Variants in ELAVL2 observed in about 807,000 individuals in gnomAD.
ELAVL2 encodes ELAV like RNA binding protein 2, also known as ELAV-like protein 2.
A neutral mutation model predicts 34.6 loss-of-function variants in ELAVL2; 4 were observed. The observed-to-expected ratio is 0.12, with a 90% CI of 0.06 to 0.26. The LOEUF (loss-of-function observed/expected upper bound fraction) is 0.26, where lower values mean the gene tolerates loss of function less well. ELAVL2 is among the 10% of genes least tolerant of loss of function. The pLI, the probability that ELAVL2 is intolerant of heterozygous loss-of-function variation, is 1.00. For synonymous variants in ELAVL2, 193 were observed against 154.8 expected, an observed-to-expected ratio of 1.25 and a Z score of -1.83; for missense variants, 432 against 442.8, an observed-to-expected ratio of 0.98 and a Z score of 0.22.
chr9:23,753,774 AC>A (rs988641737), intron 2 of ELAVL2, among the ~76,000 whole-genome samples: 3 of 151,812 alleles, frequency 2.0e-5, no homozygotes, highest in Non-Finnish European at 4.4e-5. Flanking sequence ...AACAAAGACT[AC>A]CCCCCAGAAA....
intron 3 of ELAVL2, among the ~76,000 whole-genome samples, chr9:23,730,430 T>C (rs73470819): frequency 0.061 from 9,275 of 152,178 alleles, 925 homozygotes; most frequent in African/African-American, 0.21. Flanking sequence ...AAGCACCACA[T>C]CTAGCCTGCC....
the ELAVL2 span, among the ~76,000 whole-genome samples, chr9:23,846,097 A>C: frequency 1.6e-4 from 24 of 151,910 alleles, no homozygotes; most frequent in African/African-American, 5.3e-4. Context: ...AAGATTTTAT[A>C]AACAAAAAAG....
At chr9:23,707,265 G>T (rs1308053552) in intron 3 of ELAVL2, among the ~76,000 whole-genome samples, 1 of 152,186 alleles carries the variant, frequency 6.6e-6, no homozygotes, top group Non-Finnish European at 1.5e-5. Context: ...AATTATATAT[G>T]CATTCAGTAA....
chr9:23,763,654 C>G (rs1301045211), intron 1 of ELAVL2, among the ~76,000 whole-genome samples: 1 of 152,058 alleles, frequency 6.6e-6, no homozygotes, highest in Non-Finnish European at 1.5e-5. Flanking sequence ...TAAAAGGGCA[C>G]ATTAGCAGAT....
chr9:23,794,029 C>G (rs935961340), intron 1 of ELAVL2, among the ~76,000 whole-genome samples: 2 of 152,136 alleles, frequency 1.3e-5, no homozygotes, highest in Non-Finnish European at 2.9e-5. Flanking sequence ...TATAGAAACC[C>G]AACCAGAATG....
intron 4 of ELAVL2, 68 bp from the exon 5 acceptor site, chr9:23,701,672 G>C (rs919354656): frequency 6.6e-7 from 1 of 1,507,124 alleles, no homozygotes; most frequent in Non-Finnish European, 9.1e-7. Flanking sequence ...GAGAAGAAAG[G>C]ACACATTAAT....
chr9:23,784,010 C>T (rs937366156), intron 1 of ELAVL2, among the ~76,000 whole-genome samples: 6 of 151,806 alleles, frequency 4.0e-5, no homozygotes, highest in South Asian at 4.2e-4. Flanking sequence ...CTGGCTAACA[C>T]GGTGAAACCC....
intron 2 of ELAVL2, among the ~76,000 whole-genome samples, chr9:23,744,204 CCACCTTAAGTTTCACA>C (rs1254131770): frequency 1.3e-5 from 2 of 152,134 alleles, no homozygotes; most frequent in East Asian, 3.9e-4. Flanking sequence ...TCTACCGTCT[CCACCTTAAGTTTCACA>C]AATAGATTCT....
At chr9:23,787,865 T>C (rs996887046) in intron 1 of ELAVL2, among the ~76,000 whole-genome samples, 1 of 152,144 alleles carries the variant, frequency 6.6e-6, no homozygotes, top group Non-Finnish European at 1.5e-5. Context: ...AAGAGTCAAA[T>C]AATCAGAGAC....
intron 2 of ELAVL2, among the ~76,000 whole-genome samples, chr9:23,742,726 T>A (rs2049551024): frequency 6.6e-6 from 1 of 152,158 alleles, no homozygotes; most frequent in Admixed American, 6.6e-5. Context: ...CCAAAGGACA[T>A]CCATCGTCCC....
intron 1 of ELAVL2, among the ~76,000 whole-genome samples, chr9:23,777,189 A>T (rs546297873): frequency 1.2e-4 from 19 of 152,012 alleles, no homozygotes; most frequent in African/African-American, 4.6e-4. Context: ...TTAGGACTGC[A>T]ATCTCTTTCA....
intron 3 of ELAVL2, among the ~76,000 whole-genome samples, chr9:23,729,298 G>C (rs545486348): frequency 6.6e-6 from 1 of 152,144 alleles, no homozygotes; most frequent in African/African-American, 2.4e-5. Context: ...CTACAACTCA[G>C]GACCTCAGAA....
At chr9:23,768,876 G>A (rs1400439267) in intron 1 of ELAVL2, among the ~76,000 whole-genome samples, 1 of 152,116 alleles carries the variant, frequency 6.6e-6, no homozygotes, top group South Asian at 2.1e-4. Context: ...TGATTAAGTC[G>A]TGGATCACCA....
chr9:23,810,031 A>T (rs2062770810), intron 1 of ELAVL2, among the ~76,000 whole-genome samples: 1 of 152,006 alleles, frequency 6.6e-6, no homozygotes. Context: ...TTGGGAACAC[A>T]TTTTTTTTCA....
At chr9:23,824,866 G>A (rs922991513) in intron 1 of ELAVL2, among the ~76,000 whole-genome samples, 2 of 152,162 alleles carry the variant, frequency 1.3e-5, no homozygotes, top group African/African-American at 4.8e-5. Context: ...GAGGGGGTGA[G>A]GGCTACGTGG....
chr9:23,723,804 G>C (rs2044367580), intron 3 of ELAVL2, among the ~76,000 whole-genome samples: 1 of 152,000 alleles, frequency 6.6e-6, no homozygotes, highest in Admixed American at 6.6e-5. Flanking sequence ...TAAGGGTTCT[G>C]CCTCAATGAC....
intron 1 of ELAVL2, among the ~76,000 whole-genome samples, chr9:23,774,068 G>C (rs538837528): frequency 1.3e-5 from 2 of 151,536 alleles, no homozygotes; most frequent in South Asian, 4.2e-4. Flanking sequence ...AAAATTAGCC[G>C]GACTTGGTGG....
At chr9:23,832,786 T>C in the ELAVL2 span, among the ~76,000 whole-genome samples, 1 of 152,156 alleles carries the variant, frequency 6.6e-6, no homozygotes, top group African/African-American at 2.4e-5. Flanking sequence ...TCAGAATGCA[T>C]TTAACTGACA....
chr9:23,777,598 T>G (rs984699530), intron 1 of ELAVL2, among the ~76,000 whole-genome samples: 2 of 152,146 alleles, frequency 1.3e-5, no homozygotes, highest in East Asian at 3.9e-4. Context: ...ACACTATTCT[T>G]TATTCTCCAT....
Sources: gnomAD v4.1 joint callset for allele counts (sites outside exome capture counted in the v4.1 genomes callset) on GRCh38, gnomAD v4.1.1 for gene constraint, MANE v1.5 for transcripts, NCBI Gene and HGNC (gene_info 2026-07-23, HGNC 2026-07-21) for gene names.